Variants in COL17A1 observed in about 807,000 individuals in gnomAD.
COL17A1 encodes the protein collagen type XVII alpha 1 chain.
A neutral mutation model predicts 218.4 loss-of-function variants in COL17A1; 181 were observed. The observed-to-expected ratio is 0.83, with a 90% CI of 0.73 to 0.94. COL17A1 has a LOEUF of 0.94. COL17A1 is among the 40% of genes least tolerant of loss of function. The pLI is 0.00. For missense variants in COL17A1, 1,924 were observed against 1,945.9 expected (o/e 0.99, Z 0.21); for synonymous variants, 721 against 731.0 (o/e 0.99, Z 0.22).
Position 104,077,501 on chromosome 10 carries a change from A to C in COL17A1, c.123T>G (p.Ala41=). The change falls in exon 4 of 56, where the codon GCT becomes GCG. Residue 41 remains alanine (A), a synonymous_variant. Coordinates refer to ENST00000648076, the MANE Select transcript of COL17A1 (RefSeq NM_000494.4). ...PPKGGTSNGY[A]KTASLGGGSR... is the part of the protein sequence containing the mutation. Reference sequence around the variant, plus strand: ...TCCCTCCACCAAGAGAGGCTGTTTTAGCATAGCCATTGCTGGTCCCGCCTT... The same window carrying C: ...TCCCTCCACCAAGAGAGGCTGTTTTCGCATAGCCATTGCTGGTCCCGCCTT... 6.2e-7 allele frequency: 1 copy of C among 1,613,064 alleles called. No individual in the cohort carries two copies. The highest frequency in any genetic ancestry group is 8.5e-7 in the Non-Finnish European group (1 of 1,179,794).
intron 1 of COL17A1, among the ~76,000 whole-genome samples, chr10:104,082,747 T>G: frequency 6.6e-6 from 1 of 152,208 alleles, no homozygotes; most frequent in Non-Finnish European, 1.5e-5. Context: ...GCAGCAAACC[T>G]GGAAAGTTTT....
At position 104,062,332 on chromosome 10, in the gene COL17A1, G is replaced by A; in HGVS notation, c.839-3C>T. On this transcript the variant is annotated splice_region_variant and splice_polypyrimidine_tract_variant and intron_variant, in intron 11 of 55. Transcript: ENST00000648076. ...CAGATTGTTCTGCATGCCAAACACT[G>A]TGAAAGCAACCAAGGTCAGGTGAGT... 1 of 1,614,198 alleles carries A rather than the reference G, an allele frequency of 6.2e-7. No individual in the cohort carries two copies. Among genetic ancestry groups the A allele is most frequent in the Non-Finnish European group, 8.5e-7 (1 of 1,180,044 alleles).
chr10:104,050,973 C>A (rs751091849), intron 25 of COL17A1, 72 bp from the exon 26 acceptor site: 3 of 1,602,670 alleles, frequency 1.9e-6, no homozygotes, highest in Non-Finnish European at 2.6e-6. Flanking sequence ...TGTATGCACA[C>A]ACATGCACAC....
Position 104,032,900 on chromosome 10 carries a change from A to G in COL17A1, c.4357+6T>C. ...ATCCAGGGACTGGCTCTCTGCCACC[A>G]CTTACCTTTGGGTCCTGGAGTGCCC... On this transcript the variant is annotated splice_donor_region_variant and intron_variant, in intron 54 of 55. Transcript: ENST00000648076. 1.2e-6 allele frequency: 2 copies of G among 1,614,126 alleles called. No homozygotes were observed. The highest frequency in any genetic ancestry group is 1.7e-6 in the Non-Finnish European group (2 of 1,179,990).
At chr10:104,079,179 T>C (rs2086737639) in intron 2 of COL17A1, among the ~76,000 whole-genome samples, 1 of 152,162 alleles carries the variant, frequency 6.6e-6, no homozygotes. Context: ...ACAGACAGAC[T>C]TGAAGAACCA....
chr10:104,057,909 G>A (rs965084654), intron 16 of COL17A1, among the ~76,000 whole-genome samples: 6 of 151,914 alleles, frequency 3.9e-5, no homozygotes, highest in South Asian at 2.1e-4. Context: ...AGCTGGGGGC[G>A]GGGGGCCTGT....
chr10:104,033,454 G>A (rs1844718414), intron 52 of COL17A1, 79 bp from the exon 53 acceptor site: 1 of 1,527,604 alleles, frequency 6.5e-7, no homozygotes, highest in African/African-American at 1.4e-5. Context: ...TGCCCTCCGA[G>A]TGTCAAACTC....
In COL17A1 at chr10:104,047,777, C is replaced by T. The variant is rs181206306; in HGVS notation, c.2297G>A (p.Arg766His). ...EQGLTGMPGI[R>H]GPPGPSGDPG... ...GTCTCCAGAAGGTCCTGGTGGGCCA[C>T]GGATTCCAGGCATCCCAGTAAGACC... The change falls in exon 31 of 56, where the codon CGT (arginine) becomes CAT (histidine). Residue 766 changes from arginine to histidine, a missense_variant. Coordinates refer to ENST00000648076, the MANE Select transcript of COL17A1 (RefSeq NM_000494.4). The T allele has an allele frequency of 2.4e-5, 38 of 1,614,174 alleles. No individual in the cohort carries two copies. The East Asian group carries it at 3.8e-4, about 16-fold the overall frequency.
chr10:104,038,493 G>A lies in COL17A1; in HGVS notation c.2983C>T (p.Pro995Ser), dbSNP rs1182933381. The A allele has an allele frequency of 8.1e-6, 13 of 1,613,634 alleles. No homozygotes were observed. The highest frequency in any genetic ancestry group is 1.0e-5 in the Non-Finnish European group (12 of 1,179,968). Residue 995 changes from proline (P) to serine (S), a missense_variant, in exon 45 of 56, where the codon CCA becomes TCA. Transcript: ENST00000648076. ...SSSTMYVSGP[P>S]GPPGPPGPPG... ...GGCCCAGGGGGCCCAGGGGGCCCTGGCGGGCCTGACACGTACATGGTACTT... is the reference window on the plus strand; with the variant it reads ...GGCCCAGGGGGCCCAGGGGGCCCTGACGGGCCTGACACGTACATGGTACTT...
At chr10:104,073,876 A>G (rs999414114) in intron 6 of COL17A1, 3 of 368,410 alleles carry the variant, frequency 8.1e-6, no homozygotes, top group African/African-American at 6.3e-5. Flanking sequence ...CATCTCATGG[A>G]AAGAAGAATC....
chr10:104,082,129 A>C (rs1345058603), intron 1 of COL17A1, among the ~76,000 whole-genome samples: 4 of 152,204 alleles, frequency 2.6e-5, no homozygotes, highest in Non-Finnish European at 2.9e-5. Context: ...GGTGTTTTTC[A>C]AACACAGCTC....
intron 12 of COL17A1, among the ~76,000 whole-genome samples, 200 bp downstream of exon 12, chr10:104,062,058 T>A (rs755823439): frequency 3.2e-4 from 49 of 152,320 alleles, no homozygotes; most frequent in Non-Finnish European, 2.9e-4. Context: ...AAGGTGATGC[T>A]GTTGACAGGA....
At chr10:104,067,892 GAC>G (rs1000765374) in intron 9 of COL17A1, among the ~76,000 whole-genome samples, 5 of 152,000 alleles carry the variant, frequency 3.3e-5, no homozygotes, top group African/African-American at 1.2e-4. Context: ...GACGGGAAAA[GAC>G]AGAGATCAAA....
rs374239926 is a variant in COL17A1 at position 104,032,855 on chromosome 10, G to C, written c.4357+51C>G. 9.9e-6 allele frequency: 16 copies of C among 1,611,918 alleles called. No homozygotes were observed. In the African/African-American group the frequency reaches 1.9e-4, roughly 19 times the overall value. ...CAGCACAGGAGCTGCTTTTCAGTAC[G>C]AGGTGGGTGTTAACACAGGATCCAG... On this transcript the variant is annotated intron_variant, in intron 54 of 55. Coordinates refer to ENST00000648076, the MANE Select transcript of COL17A1 (RefSeq NM_000494.4).
chr10:104,057,633 C>T (rs1564680196), intron 16 of COL17A1, among the ~76,000 whole-genome samples: 1 of 151,200 alleles, frequency 6.6e-6, no homozygotes. Context: ...TTTCTTTAAT[C>T]CTTACAGTGC....
rs796419529 is a variant in COL17A1 at position 104,036,125 on chromosome 10, T to A, written c.3418+367A>T. 2.9e-4 allele frequency among the ~76,000 whole-genome samples: 11 copies of A among 37,684 alleles called. 3 individuals are homozygous for A. The highest frequency in any genetic ancestry group is 1.8e-3 in the South Asian group (2 of 1,094). 24.7% of individuals were successfully genotyped at this position (37,684 alleles called of 152,430 possible). ...ATGGGAGTGTGTGTGTATGGGAGTG[T>A]GTGTATATGTGTGTGTATGGGTGTA... On this transcript the variant is annotated intron_variant, in intron 48 of 55. Transcript: ENST00000648076.
intron 12 of COL17A1, 129 bp downstream of exon 12, chr10:104,062,129 G>A: frequency 1.4e-6 from 2 of 1,380,494 alleles, no homozygotes; most frequent in East Asian, 4.7e-5. Flanking sequence ...TTGATATCTT[G>A]AGTGTTGTGT....
chr10:104,062,260 G>T lies in COL17A1; in HGVS notation c.908C>A (p.Thr303Lys), dbSNP rs370035339. The change falls in exon 12 of 56, where the codon ACA becomes AAA. Residue 303 changes from threonine to lysine, a missense_variant and splice_region_variant. Thr to Lys is a moderately conservative substitution (Grantham distance 78). Coordinates refer to ENST00000648076, the MANE Select transcript of COL17A1 (RefSeq NM_000494.4). Reference sequence around the variant, plus strand: ...AGCTCCAACCCTAGCCTACTGACCTGTGGAAGTGGTGGTGGTGCCATGGGA... The same window carrying T: ...AGCTCCAACCCTAGCCTACTGACCTTTGGAAGTGGTGGTGGTGCCATGGGA... ...TLSHGTTTTS[T>K]AYGVKKNMPQ... is the part of the protein sequence containing the mutation. 27 of 1,614,132 alleles carry T rather than the reference G, an allele frequency of 1.7e-5. No individual in the cohort carries two copies. Among genetic ancestry groups the T allele is most frequent in the Non-Finnish European group, 2.3e-5 (27 of 1,180,046 alleles).
chr10:104,073,811 T>C (rs2086687343), intron 6 of COL17A1: 1 of 300,562 alleles, frequency 3.3e-6, no homozygotes, highest in Non-Finnish European at 6.4e-6. Context: ...GGTGCCGGGA[T>C]GCCTGGCATT....
Sources: allele counts gnomAD v4.1 joint callset (sites outside exome capture counted in the v4.1 genomes callset), GRCh38; gene constraint gnomAD v4.1.1; transcripts MANE v1.5; gene names NCBI Gene and HGNC (gene_info 2026-07-23, HGNC 2026-07-21).